PAMR1: variants seen among roughly 807,000 people sequenced by gnomAD.
PAMR1 encodes peptidase domain containing associated with muscle regeneration 1.
Under a neutral mutation model 81.8 loss-of-function variants are expected in PAMR1, and 88 were observed. That is an observed-to-expected ratio of 1.08 (90% confidence interval 0.91 to 1.28). The LOEUF is 1.28. Among genes scored for constraint, PAMR1 ranks in the 50% most tolerant of loss-of-function variants. The pLI, the probability that PAMR1 is intolerant of heterozygous loss-of-function variation, is 0.00. For missense variants in PAMR1, 935 were observed against 919.7 expected (o/e 1.02, Z -0.21); for synonymous variants, 336 against 345.3 (o/e 0.97, Z 0.30).
At chr11:35,515,140 A>T (rs1466624631) in intron 1 of PAMR1, among the ~76,000 whole-genome samples, 1 of 152,222 alleles carries the variant, frequency 6.6e-6, no homozygotes, top group Non-Finnish European at 1.5e-5. Context: ...AAGACCCAAG[A>T]ATTCTACAAA....
intron 1 of PAMR1, among the ~76,000 whole-genome samples, chr11:35,510,489 A>G (rs1851052437): frequency 8.3e-6 from 1 of 121,020 alleles, no homozygotes; most frequent in Admixed American, 1.0e-4. Context: ...GAAACAGTAC[A>G]CTTTTTATCC....
At chr11:35,514,405 T>C (rs1851126614) in intron 1 of PAMR1, among the ~76,000 whole-genome samples, 1 of 152,218 alleles carries the variant, frequency 6.6e-6, no homozygotes, top group Non-Finnish European at 1.5e-5. Flanking sequence ...TCCACCCACT[T>C]GCTTTTACAT....
At position 35,474,697 on chromosome 11, in the gene PAMR1, T is replaced by C. The variant is rs753289237; in HGVS notation, c.427A>G (p.Ser143Gly). 5 of 1,611,270 alleles carry C rather than the reference T, an allele frequency of 3.1e-6. No individual in the cohort carries two copies. Among genetic ancestry groups the C allele is most frequent in the Non-Finnish European group, 4.2e-6 (5 of 1,178,938 alleles). ...RAPKGQILLE[S>G]YPLNAHCEWT... ...TCACAGTGAGCATTTAGGGGATAGC[T>C]TTCCAACAAAATCTGACCCTTTGGG... The change falls in exon 4 of 11, where the codon AGC becomes GGC. Residue 143 changes from serine to glycine, a missense_variant. Physicochemically the swap from Ser to Gly is moderately conservative, Grantham distance 56. Transcript: ENST00000619888.
chr11:35,439,715 C>G (rs1224815569), intron 7 of PAMR1, 22 bp from the exon 8 acceptor site: 3 of 1,591,340 alleles, frequency 1.9e-6, no homozygotes. Context: ...AAAGACAATG[C>G]TGCATGATCC....
At chr11:35,515,353 C>A (rs549575830) in intron 1 of PAMR1, among the ~76,000 whole-genome samples, 106 of 152,330 alleles carry the variant, frequency 7.0e-4, no homozygotes, top group South Asian at 4.1e-4. Flanking sequence ...AGCTGGCCAA[C>A]AACAGATGTC....
chr11:35,438,156 C>A (rs71480075), intron 8 of PAMR1, among the ~76,000 whole-genome samples: 4,739 of 152,254 alleles, frequency 0.031, 97 homozygotes, highest in Non-Finnish European at 0.049. Context: ...GACCAGGAAG[C>A]CAGATACTGA....
chr11:35,513,155 G>T (rs1486870758), intron 1 of PAMR1, among the ~76,000 whole-genome samples: 2 of 152,198 alleles, frequency 1.3e-5, no homozygotes, highest in Non-Finnish European at 2.9e-5. Context: ...GGGAGATATT[G>T]TTATATTCTG....
chr11:35,507,672 G>GT (rs1850989608), intron 1 of PAMR1, among the ~76,000 whole-genome samples: 3 of 151,554 alleles, frequency 2.0e-5, no homozygotes, highest in Admixed American at 1.3e-4. Context: ...GTTTGCTGTT[G>GT]TTTTTTGTGC....
chr11:35,513,646 C>G (rs918545656), intron 1 of PAMR1, among the ~76,000 whole-genome samples: 1 of 152,170 alleles, frequency 6.6e-6, no homozygotes, highest in Non-Finnish European at 1.5e-5. Context: ...AGATTAAGTA[C>G]CTTAATCAAG....
At chr11:35,466,484 T>G (rs539566600) in intron 6 of PAMR1, among the ~76,000 whole-genome samples, 1 of 151,984 alleles carries the variant, frequency 6.6e-6, no homozygotes. Flanking sequence ...TCCCAGCACT[T>G]TGGGAGGCCG....
At chr11:35,441,380 G>A in intron 7 of PAMR1, 101 bp downstream of exon 7, 1 of 797,982 alleles carries the variant, frequency 1.3e-6, no homozygotes, top group Non-Finnish European at 2.1e-6. Flanking sequence ...ACTTAAAAGA[G>A]AAAGGCATTT....
intron 6 of PAMR1, among the ~76,000 whole-genome samples, chr11:35,444,746 C>G (rs965547930): frequency 3.9e-5 from 6 of 152,026 alleles, no homozygotes; most frequent in Non-Finnish European, 7.4e-5. Flanking sequence ...GTTACTGTAG[C>G]CTTGTATAGT....
At chr11:35,499,747 C>T (rs1455975084) in intron 1 of PAMR1, among the ~76,000 whole-genome samples, 1 of 152,144 alleles carries the variant, frequency 6.6e-6, no homozygotes, top group African/African-American at 2.4e-5. Flanking sequence ...CCCACCTCTG[C>T]CCTCTTTACT....
intron 4 of PAMR1, 98 bp downstream of exon 4, chr11:35,474,532 T>G: frequency 1.5e-6 from 1 of 676,646 alleles, no homozygotes. Context: ...GGCTCCAATA[T>G]ACAAAGGCTC....
intron 1 of PAMR1, among the ~76,000 whole-genome samples, chr11:35,519,129 T>C (rs16926171): frequency 0.14 from 20,639 of 152,140 alleles, 1,569 homozygotes; most frequent in East Asian, 0.33. Context: ...GTAGTCTTCA[T>C]AGCTGCTCAG....
intron 6 of PAMR1, among the ~76,000 whole-genome samples, chr11:35,444,096 A>G (rs1318512190): frequency 6.6e-6 from 1 of 152,248 alleles, no homozygotes; most frequent in East Asian, 1.9e-4. Flanking sequence ...TTCAAATTAT[A>G]CTATGAGGTT....
intron 9 of PAMR1, 119 bp downstream of exon 9, chr11:35,435,784 A>C: frequency 1.1e-5 from 8 of 709,512 alleles, no homozygotes; most frequent in Non-Finnish European, 1.9e-5. Context: ...GGAATTTCAG[A>C]TATCACCAAA....
intron 3 of PAMR1, among the ~76,000 whole-genome samples, chr11:35,480,578 T>C (rs1215213807): frequency 6.6e-6 from 1 of 152,256 alleles, no homozygotes; most frequent in African/African-American, 2.4e-5. Context: ...AGATAATGCA[T>C]TTTTCAGTTC....
At chr11:35,452,267 G>A (rs1856435164) in intron 6 of PAMR1, among the ~76,000 whole-genome samples, 1 of 152,120 alleles carries the variant, frequency 6.6e-6, no homozygotes, top group Non-Finnish European at 1.5e-5. Context: ...TACCACTGAA[G>A]AGTATTAGTA....
Sources: allele counts gnomAD v4.1 joint callset (sites outside exome capture counted in the v4.1 genomes callset), GRCh38; gene constraint gnomAD v4.1.1; transcripts MANE v1.5; gene names NCBI Gene and HGNC (gene_info 2026-07-23, HGNC 2026-07-21).